MMP16: variants seen among roughly 807,000 people sequenced by gnomAD.
MMP16 encodes matrix metalloproteinase-16.
In MMP16, 12 loss-of-function variants were observed where a neutral mutation model predicts 67.8. That is an observed-to-expected ratio of 0.18 (90% confidence interval 0.11 to 0.29). The LOEUF is 0.29. Among genes scored for constraint, MMP16 ranks in the 10% least tolerant of loss-of-function variants. The pLI, the probability that MMP16 is intolerant of heterozygous loss-of-function variation, is 1.00. For missense variants in MMP16, 475 were observed against 765.7 expected, an observed-to-expected ratio of 0.62 and a Z score of 4.48; for synonymous variants, 249 against 255.9, an observed-to-expected ratio of 0.97 and a Z score of 0.26.
intron 4 of MMP16, among the ~76,000 whole-genome samples, chr8:88,141,131 G>A (rs1187521195): frequency 2.0e-5 from 3 of 152,084 alleles, no homozygotes; most frequent in Non-Finnish European, 2.9e-5. Context: ...AATTTCTTGT[G>A]AAAAAAGTTT....
At chr8:88,153,716 C>T (rs1808453432) in intron 4 of MMP16, among the ~76,000 whole-genome samples, 1 of 147,772 alleles carries the variant, frequency 6.8e-6, no homozygotes, top group South Asian at 2.2e-4. Flanking sequence ...AAAATCAATT[C>T]AAGATGGATT....
At chr8:88,314,364 A>T (rs1258277354) in intron 1 of MMP16, among the ~76,000 whole-genome samples, 1 of 152,146 alleles carries the variant, frequency 6.6e-6, no homozygotes, top group East Asian at 1.9e-4. Context: ...AATATACAGA[A>T]TTTTCTCCTA....
intron 1 of MMP16, among the ~76,000 whole-genome samples, chr8:88,314,995 T>G (rs540946461): frequency 2.0e-4 from 30 of 152,308 alleles, no homozygotes; most frequent in South Asian, 4.1e-4. Flanking sequence ...AGGCAGCAAG[T>G]TGAGATAATC....
At chr8:88,141,937 CAG>C (rs1808218494) in intron 4 of MMP16, among the ~76,000 whole-genome samples, 1 of 148,808 alleles carries the variant, frequency 6.7e-6, no homozygotes, top group South Asian at 2.1e-4. Context: ...TTTTTTGAGA[CAG>C]AGTCTCGCTC....
rs774833875 is a variant in MMP16, at chr8:88,116,599, C to T, written c.991G>A (p.Gly331Ser). 3.2e-5 allele frequency: 52 copies of T among 1,613,560 alleles called. No individual in the cohort carries two copies. The highest frequency in any genetic ancestry group is 4.2e-5 in the Non-Finnish European group (49 of 1,179,868). Residue 331 changes from glycine to serine, a missense_variant, in exon 6 of 10, where the codon GGC becomes AGC. Coordinates refer to ENST00000286614, the MANE Select transcript of MMP16 (RefSeq NM_005941.5). ...TTGGCTCCGGGATAGGAGGGTCTGCCGGTTGGAGGCCGAGGAGGTTTTGGC... is the reference window on the plus strand; with the variant it reads ...TTGGCTCCGGGATAGGAGGGTCTGCTGGTTGGAGGCCGAGGAGGTTTTGGC... ...DRPKPPRPPT[G>S]RPSYPGAKPN...
rs1200760742 is a variant in MMP16 at position 88,034,286 on chromosome 8, T to C, written c.*7175A>G. 2 of 146,900 alleles carry C rather than the reference T, an allele frequency of 1.4e-5. No individual in the cohort carries two copies. Among genetic ancestry groups the C allele is most frequent in the East Asian group, 4.0e-4 (2 of 5,054 alleles). 9.1% of individuals were successfully genotyped at this position (146,900 alleles called of 1,614,324 possible). A position where few individuals can be genotyped will look rare whatever the true frequency, so the allele number is the denominator to read the frequency against. On this transcript the variant is annotated 3_prime_UTR_variant, in exon 10 of 10. Transcript: ENST00000286614. ...ATAGGAATAGAAAGAAATGCAAATA[T>C]AGACAGAGACTGCATAGGACAACTC... is the stretch of plus-strand genomic sequence containing the variant.
intron 6 of MMP16, among the ~76,000 whole-genome samples, chr8:88,088,123 G>A (rs1808873799): frequency 4.5e-5 from 2 of 44,678 alleles, no homozygotes; most frequent in South Asian, 1.4e-3. Flanking sequence ...TACAGAAGAC[G>A]TCTGACTGCG....
intron 6 of MMP16, among the ~76,000 whole-genome samples, chr8:88,085,927 T>C (rs1467254860): frequency 6.7e-6 from 1 of 150,054 alleles, no homozygotes; most frequent in Non-Finnish European, 1.5e-5. Flanking sequence ...TTTTATTAAT[T>C]AGTATTCATT....
At chr8:88,178,741 G>A (rs1808932022) in intron 3 of MMP16, among the ~76,000 whole-genome samples, 1 of 151,958 alleles carries the variant, frequency 6.6e-6, no homozygotes, top group African/African-American at 2.4e-5. Context: ...CAATTTGTAA[G>A]CATGTAAAGT....
intron 1 of MMP16, among the ~76,000 whole-genome samples, chr8:88,314,232 A>C (rs73692223): frequency 0.13 from 20,470 of 152,154 alleles, 1,856 homozygotes; most frequent in African/African-American, 0.24. Context: ...TTTATCTCTA[A>C]AGTTCAATTT....
chr8:88,146,040 C>T (rs1039787605), intron 4 of MMP16, among the ~76,000 whole-genome samples: 16 of 151,976 alleles, frequency 1.1e-4, no homozygotes, highest in Non-Finnish European at 2.1e-4. Context: ...TTTTTAATAT[C>T]ATCTTTCCCA....
At chr8:88,072,487 G>A (rs76631222) in intron 7 of MMP16, among the ~76,000 whole-genome samples, 1 of 152,046 alleles carries the variant, frequency 6.6e-6, no homozygotes, top group Non-Finnish European at 1.5e-5. Context: ...GCCACAGCAG[G>A]GTCCTCAAAG....
chr8:88,111,965 G>T (rs1465285996), intron 6 of MMP16, among the ~76,000 whole-genome samples: 3 of 151,712 alleles, frequency 2.0e-5, no homozygotes, highest in Non-Finnish European at 4.4e-5. Flanking sequence ...AATGATATCT[G>T]CTTTGGCTTG....
intron 6 of MMP16, among the ~76,000 whole-genome samples, chr8:88,085,548 T>C (rs1808820307): frequency 6.6e-6 from 1 of 152,024 alleles, no homozygotes; most frequent in African/African-American, 2.4e-5. Context: ...GTACTGCCAG[T>C]ATTTTTGAAA....
intron 7 of MMP16, among the ~76,000 whole-genome samples, chr8:88,073,929 A>G (rs960070118): frequency 1.3e-5 from 2 of 152,248 alleles, no homozygotes; most frequent in African/African-American, 2.4e-5. Flanking sequence ...CTCCAACTCA[A>G]TCTGCCTCTT....
chr8:88,069,282 T>C, intron 7 of MMP16: 1 of 340,236 alleles, frequency 2.9e-6, no homozygotes. Flanking sequence ...GCACATTTTT[T>C]TGCAGATTGA....
chr8:88,151,839 C>G (rs1365774264), intron 4 of MMP16, among the ~76,000 whole-genome samples: 1 of 127,086 alleles, frequency 7.9e-6, no homozygotes, highest in Non-Finnish European at 1.6e-5. Flanking sequence ...CAAAAGCTAG[C>G]AGAAGGCAAG....
At chr8:88,189,028 A>G (rs192767907) in intron 2 of MMP16, among the ~76,000 whole-genome samples, 8 of 152,258 alleles carry the variant, frequency 5.3e-5, no homozygotes, top group African/African-American at 1.9e-4. Context: ...CCCTTATATA[A>G]GTCTTGGGCT....
chr8:88,198,326 GA>G (rs1481859941), intron 1 of MMP16, among the ~76,000 whole-genome samples: 1 of 151,936 alleles, frequency 6.6e-6, no homozygotes, highest in African/African-American at 2.4e-5. Context: ...GGAGTTTAGT[GA>G]ACTACCTCTC....
Sources: gnomAD v4.1 joint callset for allele counts (sites outside exome capture counted in the v4.1 genomes callset) on GRCh38, gnomAD v4.1.1 for gene constraint, MANE v1.5 for transcripts, NCBI Gene and HGNC (gene_info 2026-07-23, HGNC 2026-07-21) for gene names.